The following NCMAP variants were observed in gnomAD, a reference collection of about 807,000 sequenced individuals.
The protein encoded by NCMAP is noncompact myelin-associated protein.
In NCMAP, 8 loss-of-function variants were observed where a neutral mutation model predicts 7.8. The observed-to-expected ratio is 1.02, with a 90% CI of 0.60 to 1.84. The LOEUF (loss-of-function observed/expected upper bound fraction) is 1.84. Among genes scored for constraint, NCMAP ranks in the 40% most tolerant of loss-of-function variants. The probability of loss-of-function intolerance (pLI) is 0.00; values close to 1 mark genes in which losing one functional copy is unlikely to be tolerated. For synonymous variants in NCMAP, 41 were observed against 52.9 expected (o/e 0.78, Z 0.98); for missense variants, 112 against 131.4 (o/e 0.85, Z 0.72).
chr1:24,595,655 A>G, intron 2 of NCMAP, 143 bp downstream of exon 2: 1 of 608,894 alleles, frequency 1.6e-6, no homozygotes, highest in Non-Finnish European at 2.9e-6. Context: ...CTGCAGCATT[A>G]ATGACAGACA....
chr1:24,601,097 T>C, intron 3 of NCMAP, 73 bp downstream of exon 3: 1 of 1,228,016 alleles, frequency 8.1e-7, no homozygotes, highest in Non-Finnish European at 1.2e-6. Flanking sequence ...GGAGGTGATA[T>C]ATGGGTGTCC....
rs555342098 is a variant in NCMAP, at chr1:24,578,560, C to CTTTT, written c.-7-16847_-7-16844dup. 9.3e-3 allele frequency among the ~76,000 whole-genome samples: 999 copies of CTTTT among 107,256 alleles called. 23 individuals are homozygous for CTTTT. Among genetic ancestry groups the CTTTT allele is most frequent in the African/African-American group, 0.036 (838 of 22,986 alleles). 70.4% of individuals were successfully genotyped at this position (107,256 alleles called of 152,430 possible). ...AGCTTAGTTTTCTTTTTCTTTCTTT[C>CTTTT]TTTTTTTTTTTTTTTTTTTTGAGAC... On this transcript the variant is annotated intron_variant, in intron 1 of 3. Coordinates refer to ENST00000374392, the MANE Select transcript of NCMAP (RefSeq NM_001010980.5).
chr1:24,602,430 C>G (rs1265993608), intron 3 of NCMAP, among the ~76,000 whole-genome samples: 1 of 142,744 alleles, frequency 7.0e-6, no homozygotes, highest in Non-Finnish European at 1.5e-5. Flanking sequence ...ATTAGCCGGG[C>G]GCAGTGGTGG....
Position 24,585,269 on chromosome 1 carries a change from G to T in NCMAP, c.-7-10155G>T, listed in dbSNP as rs190261808. Among the ~76,000 whole-genome samples the T allele has an allele frequency of 1.8e-3, 273 of 152,182 alleles. 1 individual carries two copies. The highest frequency in any genetic ancestry group is 6.3e-3 in the African/African-American group (261 of 41,514). On this transcript the variant is annotated intron_variant, in intron 1 of 3. Coordinates refer to ENST00000374392, the MANE Select transcript of NCMAP (RefSeq NM_001010980.5). ...TGGCCATGAAGGATTCAGGCGGCTC[G>T]GGTGACTATGTACCCTACAGAGTGC...
chr1:24,562,269 G>T (rs1396689925), intron 1 of NCMAP, among the ~76,000 whole-genome samples: 2 of 152,182 alleles, frequency 1.3e-5, no homozygotes, highest in African/African-American at 4.8e-5. Flanking sequence ...AGCCTTTAAT[G>T]TGCCAGGCAT....
intron 3 of NCMAP, among the ~76,000 whole-genome samples, chr1:24,603,608 C>T (rs1028263788): frequency 5.9e-5 from 9 of 152,166 alleles, no homozygotes; most frequent in African/African-American, 1.4e-4. Context: ...AGTTATTTAA[C>T]CTCCTCCTGC....
chr1:24,592,867 C>T (rs565261271), intron 1 of NCMAP, among the ~76,000 whole-genome samples: 6 of 151,832 alleles, frequency 4.0e-5, no homozygotes, highest in Admixed American at 6.6e-5. Context: ...TGCAGTGAGC[C>T]GTGATCATGC....
At position 24,568,242 on chromosome 1, in the gene NCMAP, G is replaced by A. The variant is rs1002632615; in HGVS notation, c.-8+12073G>A. Among the ~76,000 whole-genome samples, 5 of 152,224 alleles carry A rather than the reference G, an allele frequency of 3.3e-5. No homozygotes were observed. The South Asian group carries it at 6.3e-4, about 19-fold the overall frequency. On this transcript the variant is annotated intron_variant, in intron 1 of 3. Transcript: ENST00000374392. ...TGCCAACCCTGCCTCCTGGAGGCCC[G>A]CACGGGGCACCTCACAGAGAAGCTC...
At chr1:24,597,520 G>T (rs1251560151) in intron 2 of NCMAP, among the ~76,000 whole-genome samples, 4 of 24,510 alleles carry the variant, frequency 1.6e-4, no homozygotes, top group Non-Finnish European at 3.7e-4. Flanking sequence ...AGAGAAGGAA[G>T]GGGGGGGGGG....
Position 24,569,852 on chromosome 1 carries a change from G to A in NCMAP, c.-8+13683G>A, listed in dbSNP as rs1378504082. Among the ~76,000 whole-genome samples the A allele has an allele frequency of 5.3e-5, 8 of 150,864 alleles. 2 individuals are homozygous for A. The highest frequency in any genetic ancestry group is 2.0e-4 in the African/African-American group (8 of 40,130). On this transcript the variant is annotated intron_variant, in intron 1 of 3. Coordinates refer to ENST00000374392, the MANE Select transcript of NCMAP (RefSeq NM_001010980.5). ...TACTTTCAAGCCCTCAAAACATGGT[G>A]CAGACTCTGAAGTCAGATTCTTTGG...
intron 1 of NCMAP, among the ~76,000 whole-genome samples, chr1:24,571,829 G>A (rs1034366964): frequency 1.3e-5 from 2 of 150,580 alleles, no homozygotes; most frequent in East Asian, 1.9e-4. Context: ...CAAGTGATCC[G>A]CCTGCCTCGG....
intron 1 of NCMAP, among the ~76,000 whole-genome samples, chr1:24,588,979 A>G (rs191969093): frequency 6.6e-6 from 1 of 152,266 alleles, no homozygotes; most frequent in East Asian, 1.9e-4. Flanking sequence ...AGGGGCTGTG[A>G]AATCGGATAG....
At chr1:24,567,276 A>C (rs1042548798) in intron 1 of NCMAP, among the ~76,000 whole-genome samples, 1 of 152,208 alleles carries the variant, frequency 6.6e-6, no homozygotes, top group African/African-American at 2.4e-5. Context: ...AGCACCTAGA[A>C]TAGAAAGGAA....
intron 1 of NCMAP, among the ~76,000 whole-genome samples, chr1:24,574,377 G>C (rs1036724801): frequency 0.019 from 2,805 of 148,868 alleles, 173 homozygotes; most frequent in African/African-American, 0.07. Context: ...CCTCGGCCTC[G>C]CAAAGTGCTG....
Position 24,570,116 on chromosome 1 carries a change from T to C in NCMAP, c.-8+13947T>C, listed in dbSNP as rs1011424614. 1.3e-5 allele frequency among the ~76,000 whole-genome samples: 2 copies of C among 149,608 alleles called. 1 individual carries two copies. The highest frequency in any genetic ancestry group is 5.1e-5 in the African/African-American group (2 of 39,176). ...TGAGCCACCACACCTGGAAATTTTT[T>C]TTTTTTTTTTGTGGAGACGGGGTCC... On this transcript the variant is annotated intron_variant, in intron 1 of 3. Transcript: ENST00000374392.
chr1:24,581,545 G>T (rs1244646016), intron 1 of NCMAP, among the ~76,000 whole-genome samples: 1 of 152,228 alleles, frequency 6.6e-6, no homozygotes, highest in Non-Finnish European at 1.5e-5. Context: ...GTAGCCTAGA[G>T]AAACCACCCT....
intron 1 of NCMAP, among the ~76,000 whole-genome samples, chr1:24,561,824 C>T (rs1276494461): frequency 9.2e-5 from 14 of 151,668 alleles, no homozygotes; most frequent in Admixed American, 3.3e-4. Flanking sequence ...GGAGGAGAAT[C>T]GCTTGAACCT....
chr1:24,565,261 G>A (rs1651190219), intron 1 of NCMAP, among the ~76,000 whole-genome samples: 1 of 151,764 alleles, frequency 6.6e-6, no homozygotes, highest in South Asian at 2.1e-4. Context: ...TCTCAAGGCT[G>A]CCCTGGAGGT....
chr1:24,606,688 A>ATT lies in NCMAP; in HGVS notation c.*943_*944dup, dbSNP rs1281954714. The ATT allele has an allele frequency of 6.6e-6, 1 of 152,212 alleles. No individual in the cohort carries two copies. The highest frequency in any genetic ancestry group is 1.5e-5 in the Non-Finnish European group (1 of 68,056). 9.4% of individuals were successfully genotyped at this position (152,212 alleles called of 1,614,324 possible). A position where few individuals can be genotyped will look rare whatever the true frequency, so the allele number is the denominator to read the frequency against. On this transcript the variant is annotated 3_prime_UTR_variant, in exon 4 of 4. Coordinates refer to ENST00000374392, the MANE Select transcript of NCMAP (RefSeq NM_001010980.5). ...GTTCAAAGCAACACATTCACAACCCATTTCTATTCTATAGCAACCTCGTCT... is the reference window on the plus strand; with the variant it reads ...GTTCAAAGCAACACATTCACAACCCATTTTTCTATTCTATAGCAACCTCGTCT...
Sources: gnomAD v4.1 joint callset for allele counts (sites outside exome capture counted in the v4.1 genomes callset) on GRCh38, gnomAD v4.1.1 for gene constraint, MANE v1.5 for transcripts, NCBI Gene and HGNC (gene_info 2026-07-23, HGNC 2026-07-21) for gene names.